Variants in ATP2A3 observed in about 807,000 individuals in gnomAD.
ATP2A3 encodes the protein ATPase sarcoplasmic/endoplasmic reticulum Ca2+ transporting 3.
In ATP2A3, 61 loss-of-function variants were observed where a neutral mutation model predicts 106.8. That is an observed-to-expected ratio of 0.57 (90% CI 0.46 to 0.71). The LOEUF (loss-of-function observed/expected upper bound fraction) is 0.71. Ranked by LOEUF, ATP2A3 falls within the 30% of genes least tolerant of loss-of-function variation. The pLI is 0.00. For synonymous variants in ATP2A3, 611 were observed against 609.3 expected (o/e 1.00, Z -0.04); for missense variants, 1,201 against 1,423.5 (o/e 0.84, Z 2.52).
chr17:3,941,834 CT>C (rs890725847), intron 12 of ATP2A3, among the ~76,000 whole-genome samples, 180 bp from the exon 13 acceptor site: 6 of 152,216 alleles, frequency 3.9e-5, no homozygotes, highest in African/African-American at 7.2e-5. Context: ...GTGGGTCCCC[CT>C]GTGAGACAAT....
In ATP2A3 at chr17:3,924,713, C is replaced by T. The variant is rs974165549; in HGVS notation, c.*709G>A. 5.9e-5 allele frequency: 27 copies of T among 454,840 alleles called. No individual in the cohort carries two copies. The highest frequency in any genetic ancestry group is 9.3e-5 in the Non-Finnish European group (21 of 226,208). The allele number at this position is 454,840 out of a possible 1,614,324, so 28.2% of individuals were successfully genotyped here. A position where few individuals can be genotyped will look rare whatever the true frequency, so the allele number is the denominator to read the frequency against. The stretch of plus-strand genomic sequence containing the variant: ...GCTGAGGCAGTCCAGCCAGGCTTTC[C>T]CGACTTGTCTCCCGGGAAAGGACAT... On this transcript the variant is annotated 3_prime_UTR_variant, in exon 21 of 21. Coordinates refer to ENST00000397041, the MANE Select transcript of ATP2A3 (RefSeq NM_005173.4). This position sits in a 1 kb window ranked among gnomAD's most constrained non-coding sequence, Gnocchi z 6.4.
chr17:3,956,636 T>C (rs892136845), intron 1 of ATP2A3, among the ~76,000 whole-genome samples: 4 of 152,228 alleles, frequency 2.6e-5, no homozygotes, highest in African/African-American at 7.2e-5. Flanking sequence ...TGAGATGGTG[T>C]CTGCTCCATC....
Position 3,925,488 on chromosome 17 carries a change from C to G in ATP2A3, c.2981-47G>C, listed in dbSNP as rs1410219461. The G allele has an allele frequency of 4.4e-6, 7 of 1,588,258 alleles. No homozygotes were observed. Among genetic ancestry groups the G allele is most frequent in the Non-Finnish European group, 6.0e-6 (7 of 1,167,452 alleles). ...GCGTTAAGATGTATGTGTAAGGGCACACATCCAGACAGCTTCCTTCCAGCC... is the reference window on the plus strand; with the variant it reads ...GCGTTAAGATGTATGTGTAAGGGCAGACATCCAGACAGCTTCCTTCCAGCC... On this transcript the variant is annotated intron_variant, in intron 20 of 20. Coordinates refer to ENST00000397041, the MANE Select transcript of ATP2A3 (RefSeq NM_005173.4). This position sits in a 1 kb window ranked among gnomAD's most constrained non-coding sequence, Gnocchi z 4.2.
intron 8 of ATP2A3, among the ~76,000 whole-genome samples, chr17:3,946,125 G>A (rs1271498246): frequency 6.6e-6 from 1 of 151,692 alleles, no homozygotes; most frequent in South Asian, 2.1e-4. Flanking sequence ...GCACGCGCCT[G>A]TAGTCCTAGC....
chr17:3,963,437 C>G (rs1047603939), intron 1 of ATP2A3, among the ~76,000 whole-genome samples: 3 of 152,254 alleles, frequency 2.0e-5, no homozygotes, highest in African/African-American at 7.2e-5. Context: ...CGGTGGCACT[C>G]AATGTGCCTT....
In ATP2A3 at chr17:3,930,494, G is replaced by C; in HGVS notation, c.2611-60C>G. ...GGTCAGGCGAGGGGCTGGTGGGTGG[G>C]AGGAGGGAAGCCTCATCCTGCCCTT... On this transcript the variant is annotated intron_variant, in intron 17 of 20. Transcript: ENST00000397041. The surrounding 1 kb of genome is among the most constrained non-coding windows in gnomAD (Gnocchi z 5.4). The C allele has an allele frequency of 6.3e-7, 1 of 1,597,218 alleles. No individual in the cohort carries two copies. The highest frequency in any genetic ancestry group is 8.5e-7 in the Non-Finnish European group (1 of 1,172,644).
intron 17 of ATP2A3, among the ~76,000 whole-genome samples, chr17:3,931,749 C>T (rs1000305152): frequency 6.6e-6 from 1 of 152,128 alleles, no homozygotes; most frequent in Non-Finnish European, 1.5e-5. Context: ...TCTAGAACTC[C>T]TGACCTCGTG....
intron 15 of ATP2A3, 126 bp downstream of exon 15, chr17:3,937,290 A>T (rs1479241799): frequency 2.7e-6 from 3 of 1,119,374 alleles, no homozygotes; most frequent in Non-Finnish European, 2.6e-6. Flanking sequence ...GACCCTGGAA[A>T]GCCCCAGCCA....
chr17:3,941,709 C>A, intron 12 of ATP2A3, 55 bp from the exon 13 acceptor site: 1 of 1,564,834 alleles, frequency 6.4e-7, no homozygotes, highest in Non-Finnish European at 8.7e-7. Flanking sequence ...CCCCTCCTCT[C>A]CTTCCTGCCC....
At position 3,953,637 on chromosome 17, in the gene ATP2A3, G is replaced by A; in HGVS notation, c.136+56C>T. On this transcript the variant is annotated intron_variant, in intron 2 of 20. Transcript: ENST00000397041. The surrounding 1 kb of genome is among the most constrained non-coding windows in gnomAD (Gnocchi z 5.1). ...GAGAAGGAAGTCATGACCAGACAGAGAACGACCCAGGGATGCTGCCCGCGG... is the reference window on the plus strand; with the variant it reads ...GAGAAGGAAGTCATGACCAGACAGAAAACGACCCAGGGATGCTGCCCGCGG... 1.3e-6 allele frequency: 2 copies of A among 1,555,092 alleles called. No individual in the cohort carries two copies. Among genetic ancestry groups the A allele is most frequent in the East Asian group, 4.9e-5 (2 of 41,194 alleles).
rs759858732 is a variant in ATP2A3 at position 3,929,430 on chromosome 17, C to G, written c.2760G>C (p.Gln920His). 55 of 1,593,894 alleles carry G rather than the reference C, an allele frequency of 3.5e-5. No individual in the cohort carries two copies. The highest frequency in any genetic ancestry group is 4.5e-5 in the Non-Finnish European group (53 of 1,171,238). ...TCCAGGGCGGCATCCGCAGCAGCGA[C>G]TGGTTCTCCGAGACGCTGCCAGGGC... Reference protein sequence around the residue: ...CNALNSVSENQSLLRMPPWMN... With the variant: ...CNALNSVSENHSLLRMPPWMN... The change falls in exon 19 of 21, where the codon CAG becomes CAC. Residue 920 changes from glutamine (Q) to histidine (H), a missense_variant. Physicochemically the swap from Gln to His is conservative, Grantham distance 24. Coordinates refer to ENST00000397041, the MANE Select transcript of ATP2A3 (RefSeq NM_005173.4). This position sits in a 1 kb window ranked among gnomAD's most constrained non-coding sequence, Gnocchi z 4.3.
At position 3,928,124 on chromosome 17, in the gene ATP2A3, G is replaced by A; in HGVS notation, c.2980+539C>T. On this transcript the variant is annotated intron_variant, in intron 20 of 20. Coordinates refer to ENST00000397041, the MANE Select transcript of ATP2A3 (RefSeq NM_005173.4). This position sits in a 1 kb window ranked among gnomAD's most constrained non-coding sequence, Gnocchi z 6.1. ...CCATGTCCCAGCCCACTTCTCTCCA[G>A]CCCGACACCTGCCATCCTGTCCTCT... The A allele has an allele frequency of 6.2e-7, 1 of 1,601,756 alleles. No homozygotes were observed. Among genetic ancestry groups the A allele is most frequent in the African/African-American group, 1.3e-5 (1 of 74,768 alleles).
rs2052886510 is a variant in ATP2A3, at chr17:3,929,027, A to G, written c.2863-247T>C. On this transcript the variant is annotated intron_variant, in intron 19 of 20. Transcript: ENST00000397041. The surrounding 1 kb of genome is among the most constrained non-coding windows in gnomAD (Gnocchi z 4.3). ...CAAGGGCCCACCTCTGCCCTTGCCC[A>G]CTGGGTCAACTCCCATCCATCCTGT... 6.6e-6 allele frequency among the ~76,000 whole-genome samples: 1 copy of G among 151,054 alleles called. No homozygotes were observed. Among genetic ancestry groups the G allele is most frequent in the South Asian group, 2.1e-4 (1 of 4,776 alleles).
Position 3,955,618 on chromosome 17 carries a change from G to T in ATP2A3, c.119-1908C>A, listed in dbSNP as rs745332651. Among the ~76,000 whole-genome samples the T allele has an allele frequency of 4.6e-5, 7 of 152,182 alleles. No homozygotes were observed. The highest frequency in any genetic ancestry group is 8.8e-5 in the Non-Finnish European group (6 of 68,040). On this transcript the variant is annotated intron_variant, in intron 1 of 20. Coordinates refer to ENST00000397041, the MANE Select transcript of ATP2A3 (RefSeq NM_005173.4). This position sits in a 1 kb window ranked among gnomAD's most constrained non-coding sequence, Gnocchi z 4.2. ...TCCAATGGAGCAGTGTGCTTTCGAG[G>T]TCACCCCAGCCATGCCCCAGCCTCG...
intron 20 of ATP2A3, chr17:3,927,564 C>T (rs927074314): frequency 2.9e-5 from 29 of 985,422 alleles, no homozygotes; most frequent in Admixed American, 6.1e-5. Context: ...TGCCTTGGGC[C>T]CCCATGGATG....
intron 11 of ATP2A3, among the ~76,000 whole-genome samples, chr17:3,943,096 C>T (rs1249913483): frequency 2.0e-5 from 3 of 152,044 alleles, no homozygotes; most frequent in African/African-American, 4.8e-5. Context: ...CAGACTAGCC[C>T]GGACAACATG....
chr17:3,953,489 C>G lies in ATP2A3; in HGVS notation c.137-60G>C. ...CACCACTGACCCTGCCCACTCAGAG[C>G]TGGGATGGCCCGGGAGACCTCCCGG... is the stretch of plus-strand genomic sequence containing the variant. On this transcript the variant is annotated intron_variant, in intron 2 of 20. Coordinates refer to ENST00000397041, the MANE Select transcript of ATP2A3 (RefSeq NM_005173.4). The surrounding 1 kb of genome is among the most constrained non-coding windows in gnomAD (Gnocchi z 5.1). 6.3e-7 allele frequency: 1 copy of G among 1,587,882 alleles called. No individual in the cohort carries two copies. Among genetic ancestry groups the G allele is most frequent in the South Asian group, 1.1e-5 (1 of 90,524 alleles).
chr17:3,925,103 C>T lies in ATP2A3; in HGVS notation c.*319G>A. 1 of 552,972 alleles carries T rather than the reference C, an allele frequency of 1.8e-6. No individual in the cohort carries two copies. Among genetic ancestry groups the T allele is most frequent in the East Asian group, 3.1e-5 (1 of 32,256 alleles). 34.3% of individuals were successfully genotyped at this position (552,972 alleles called of 1,614,324 possible). A position where few individuals can be genotyped will look rare whatever the true frequency, so the allele number is the denominator to read the frequency against. On this transcript the variant is annotated 3_prime_UTR_variant, in exon 21 of 21. Transcript: ENST00000397041. This position sits in a 1 kb window ranked among gnomAD's most constrained non-coding sequence, Gnocchi z 4.2. ...ATTTGGGGGTGGGGGGGCCCCGGAT[C>T]TCTGGGTATGCTGCCAGCTCCGGCT...
At position 3,925,263 on chromosome 17, in the gene ATP2A3, G is replaced by A; in HGVS notation, c.*159C>T. 8.1e-7 allele frequency: 1 copy of A among 1,229,754 alleles called. No individual in the cohort carries two copies. Among genetic ancestry groups the A allele is most frequent in the Non-Finnish European group, 1.2e-6 (1 of 863,704 alleles). The allele number at this position is 1,229,754 out of a possible 1,614,324, so 76.2% of individuals were successfully genotyped here. On this transcript the variant is annotated 3_prime_UTR_variant, in exon 21 of 21. Transcript: ENST00000397041. This position sits in a 1 kb window ranked among gnomAD's most constrained non-coding sequence, Gnocchi z 4.2. ...AGTGGGGACAGAGACCCCAGGACGG[G>A]GCCCGGGGATGGCCATTCTGACCTC...
Sources: allele counts gnomAD v4.1 joint callset (sites outside exome capture counted in the v4.1 genomes callset), GRCh38; gene constraint gnomAD v4.1.1; non-coding constraint Gnocchi (gnomAD v3.1); transcripts MANE v1.5; gene names NCBI Gene and HGNC (gene_info 2026-07-23, HGNC 2026-07-21).